Variants in GALC observed in about 807,000 individuals in gnomAD.
The protein encoded by GALC is galactosylceramidase, also known as galactocerebrosidase.
GALC carries 77 observed loss-of-function variants against 91.8 expected under a neutral mutation model. The ratio of observed to expected loss-of-function variants is 0.84; its 90% CI spans 0.70 to 1.01. The LOEUF (loss-of-function observed/expected upper bound fraction) is 1.01, where lower values mean the gene tolerates loss of function less well. GALC is among the 50% of genes least tolerant of loss of function. The pLI is 0.00. For synonymous variants in GALC, 357 were observed against 306.7 expected, an observed-to-expected ratio of 1.16 and a Z score of -1.71; for missense variants, 882 against 855.9, an observed-to-expected ratio of 1.03 and a Z score of -0.38.
chr14:87,984,290 T>G (rs1211556267), intron 5 of GALC, 104 bp downstream of exon 5: 2 of 1,130,028 alleles, frequency 1.8e-6, no homozygotes, highest in South Asian at 1.5e-5. Context: ...CAAATTAGCC[T>G]CATGGCATAA....
At chr14:87,944,030 C>T (rs965507214) in intron 14 of GALC, among the ~76,000 whole-genome samples, 3 of 151,856 alleles carry the variant, frequency 2.0e-5, no homozygotes, top group Admixed American at 6.6e-5. Context: ...TGCAACTTCC[C>T]GGTTCCTTTC....
Position 87,949,921 on chromosome 14 carries a change from G to T in GALC, c.1262C>A (p.Pro421Gln). Reference sequence around the variant, plus strand: ...TTTGGTATACCATACCTGTAGCTCTGGTATTTCACTCTGTAAAGAAAAGAC... The same window carrying T: ...TTTGGTATACCATACCTGTAGCTCTTGTATTTCACTCTGTAAAGAAAAGAC... ...FVLKGSFSEI[P>Q]ELQVWYTKLG... Residue 421 changes from proline to glutamine, a missense_variant, in exon 12 of 17, where the codon CCA becomes CAA. By Grantham distance (76) the Pro-to-Gln change is moderately conservative. Coordinates refer to ENST00000261304, the MANE Select transcript of GALC (RefSeq NM_000153.4). 1 of 1,560,258 alleles carries T rather than the reference G, an allele frequency of 6.4e-7. No individual in the cohort carries two copies. Among genetic ancestry groups the T allele is most frequent in the Non-Finnish European group, 8.8e-7 (1 of 1,131,970 alleles).
chr14:87,933,928 C>T lies in GALC; in HGVS notation c.*804G>A. On this transcript the variant is annotated 3_prime_UTR_variant, in exon 17 of 17. Coordinates refer to ENST00000261304, the MANE Select transcript of GALC (RefSeq NM_000153.4). ...GCACATGTGAGGACAGACCACAGCA[C>T]AGTGAGATGAGGCTGAGGAAACGAC... 7.0e-7 allele frequency: 1 copy of T among 1,424,710 alleles called. No homozygotes were observed. The highest frequency in any genetic ancestry group is 9.6e-7 in the Non-Finnish European group (1 of 1,045,862). The allele number at this position is 1,424,710 out of a possible 1,614,324, so 88.3% of individuals were successfully genotyped here.
chr14:87,957,712 A>G (rs1489549600), intron 10 of GALC, among the ~76,000 whole-genome samples: 1 of 152,228 alleles, frequency 6.6e-6, no homozygotes, highest in Non-Finnish European at 1.5e-5. Flanking sequence ...ACTGCTATAT[A>G]CCAATAATGA....
Position 87,933,903 on chromosome 14 carries a change from G to T in GALC, c.*829C>A. ...TCAGCTGTGTGAGTCTGTTACCAGT[G>T]CACATGTGAGGACAGACCACAGCAC... On this transcript the variant is annotated 3_prime_UTR_variant, in exon 17 of 17. Transcript: ENST00000261304. The T allele has an allele frequency of 8.3e-7, 1 of 1,200,282 alleles. No homozygotes were observed. Among genetic ancestry groups the T allele is most frequent in the Non-Finnish European group, 1.2e-6 (1 of 841,178 alleles). The allele number at this position is 1,200,282 out of a possible 1,614,324, so 74.4% of individuals were successfully genotyped here. A position where few individuals can be genotyped will look rare whatever the true frequency, so the allele number is the denominator to read the frequency against.
intron 3 of GALC, 76 bp from the exon 4 acceptor site, chr14:87,986,678 C>G (rs1312972369): frequency 2.5e-6 from 2 of 805,642 alleles, no homozygotes; most frequent in Non-Finnish European, 4.3e-6. Context: ...TCCCCACCCC[C>G]ACCCCAGACA....
chr14:87,939,800 C>CT, intron 16 of GALC, 105 bp downstream of exon 16: 1 of 873,796 alleles, frequency 1.1e-6, no homozygotes, highest in South Asian at 1.3e-5. Flanking sequence ...CTTTGTCTCT[C>CT]TTCATTATAT....
intron 7 of GALC, among the ~76,000 whole-genome samples, chr14:87,972,426 A>T (rs1886331751): frequency 6.6e-6 from 1 of 152,160 alleles, no homozygotes; most frequent in Non-Finnish European, 1.5e-5. Flanking sequence ...TTCCAAGAGG[A>T]GATATCAGTA....
At chr14:87,953,902 T>G (rs1313131207) in intron 10 of GALC, 22 of 1,610,140 alleles carry the variant, frequency 1.4e-5, no homozygotes, top group Non-Finnish European at 1.8e-5. Flanking sequence ...AAAGTGCCTT[T>G]AGCAACAGTT....
intron 5 of GALC, 73 bp downstream of exon 5, chr14:87,984,321 C>A: frequency 6.8e-7 from 1 of 1,473,108 alleles, no homozygotes; most frequent in African/African-American, 1.4e-5. Flanking sequence ...CAAAAAGTAC[C>A]ACAGAATCAA....
intron 16 of GALC, among the ~76,000 whole-genome samples, chr14:87,939,555 T>C (rs33990647): frequency 0.33 from 50,066 of 151,864 alleles, 9,278 homozygotes; most frequent in East Asian, 0.58. Context: ...CAAAAATAAA[T>C]GCATATGGCT....
intron 10 of GALC, chr14:87,953,268 T>TA (rs1566979280): frequency 6.7e-7 from 1 of 1,495,564 alleles, no homozygotes; most frequent in East Asian, 2.3e-5. Context: ...AAAAGAAAGA[T>TA]AAAGGGCGGA....
Position 87,934,626 on chromosome 14 carries a change from T to G in GALC, c.*106A>C. On this transcript the variant is annotated 3_prime_UTR_variant, in exon 17 of 17. Transcript: ENST00000261304. ...CCCTTTTACTCTTCATTATTTTTAGTCTCAAAAGCCTCATATACTGTTCCA... is the reference window on the plus strand; with the variant it reads ...CCCTTTTACTCTTCATTATTTTTAGGCTCAAAAGCCTCATATACTGTTCCA... 1.3e-6 allele frequency: 2 copies of G among 1,587,054 alleles called. No homozygotes were observed. The highest frequency in any genetic ancestry group is 1.7e-6 in the Non-Finnish European group (2 of 1,168,502).
chr14:87,957,193 C>T (rs967239347), intron 10 of GALC, among the ~76,000 whole-genome samples: 1 of 152,106 alleles, frequency 6.6e-6, no homozygotes, highest in Non-Finnish European at 1.5e-5. Flanking sequence ...TAAATGTCTT[C>T]TCCCATTCTG....
chr14:87,980,441 C>T (rs1886691716), intron 6 of GALC: 3 of 925,944 alleles, frequency 3.2e-6, no homozygotes, highest in Non-Finnish European at 3.9e-6. Context: ...GGGTCAGTGC[C>T]CCCACTCTTC....
chr14:87,947,843 C>A lies in GALC; in HGVS notation c.1374G>T (p.Leu458=), dbSNP rs375620970. The change falls in exon 13 of 17, where the codon CTG becomes CTT. Residue 458 remains leucine (L), a synonymous_variant. Coordinates refer to ENST00000261304, the MANE Select transcript of GALC (RefSeq NM_000153.4). ...LDSDGSFTLS[L]HEDELFTLTT... is the part of the protein sequence containing the mutation. ...TGAGTGTGAACAGCTCATCTTCATG[C>A]AGGCTCAGTGTGAAACTGCCATCGC... 3 of 1,612,610 alleles carry A rather than the reference C, an allele frequency of 1.9e-6. No individual in the cohort carries two copies. Among genetic ancestry groups the A allele is most frequent in the Admixed American group, 1.7e-5 (1 of 59,844 alleles).
At chr14:87,944,211 G>A (rs1884974073) in intron 14 of GALC, among the ~76,000 whole-genome samples, 1 of 151,894 alleles carries the variant, frequency 6.6e-6, no homozygotes, top group Non-Finnish European at 1.5e-5. Context: ...TCTTTGGATG[G>A]TGCTATATCT....
intron 7 of GALC, among the ~76,000 whole-genome samples, chr14:87,975,003 C>G (rs997711883): frequency 2.0e-5 from 3 of 152,002 alleles, no homozygotes; most frequent in African/African-American, 7.2e-5. Context: ...TGTTTTCCTT[C>G]AAGACTTCAA....
chr14:87,987,489 T>C (rs2165568), intron 3 of GALC, among the ~76,000 whole-genome samples: 49,143 of 152,140 alleles, frequency 0.32, 9,180 homozygotes, highest in East Asian at 0.7. Flanking sequence ...TACCACCACA[T>C]AGACATATCT....
Sources: gnomAD v4.1 joint callset for allele counts (sites outside exome capture counted in the v4.1 genomes callset) on GRCh38, gnomAD v4.1.1 for gene constraint, MANE v1.5 for transcripts, NCBI Gene and HGNC (gene_info 2026-07-23, HGNC 2026-07-21) for gene names.